Variants in MED15 observed in about 807,000 individuals in gnomAD.
MED15 encodes the protein mediator of RNA polymerase II transcription subunit 15.
Under a neutral mutation model 118.7 loss-of-function variants are expected in MED15, and 41 were observed. That is an observed-to-expected ratio of 0.35 (90% CI 0.27 to 0.45). The LOEUF (loss-of-function observed/expected upper bound fraction) is 0.45, where lower values mean the gene tolerates loss of function less well. Among genes scored for constraint, MED15 ranks in the 20% least tolerant of loss-of-function variants. MED15 has a pLI of 1.00. For missense variants in MED15, 740 were observed against 1,025.5 expected (o/e 0.72, Z 3.80); for synonymous variants, 436 against 413.9 (o/e 1.05, Z -0.65).
chr22:20,585,531 G>A, intron 16 of MED15, 197 bp from the exon 17 acceptor site: 1 of 680,154 alleles, frequency 1.5e-6, no homozygotes, highest in East Asian at 2.7e-5. Context: ...TGGTAGGCAG[G>A]ACCTCTGGGC....
intron 2 of MED15, among the ~76,000 whole-genome samples, chr22:20,544,348 A>C (rs2146482138): frequency 6.6e-6 from 1 of 152,268 alleles, no homozygotes; most frequent in South Asian, 2.1e-4. Context: ...ATAACACGTT[A>C]CTACAAGCTT....
At chr22:20,508,649 G>A (rs186378957) in intron 1 of MED15, among the ~76,000 whole-genome samples, 1 of 152,296 alleles carries the variant, frequency 6.6e-6, no homozygotes. Context: ...CTTCTTAAGG[G>A]TGGGGGAGAT....
chr22:20,527,726 A>C (rs2054700831), intron 1 of MED15, among the ~76,000 whole-genome samples: 1 of 152,050 alleles, frequency 6.6e-6, no homozygotes, highest in Non-Finnish European at 1.5e-5. Context: ...TGGGAGGCCG[A>C]GGGCAGGCGG....
chr22:20,513,732 C>T (rs374501066), intron 1 of MED15, among the ~76,000 whole-genome samples: 73 of 152,286 alleles, frequency 4.8e-4, no homozygotes, highest in African/African-American at 1.7e-3. Flanking sequence ...CTCCTGTGCC[C>T]TTGCAGGAGT....
intron 3 of MED15, 30 bp from the exon 4 acceptor site, chr22:20,553,115 T>G: frequency 6.3e-7 from 1 of 1,597,536 alleles, no homozygotes; most frequent in South Asian, 1.1e-5. Flanking sequence ...CTATGTTTAC[T>G]TTCGTTTTTT....
rs1273782559 is a variant in MED15, at chr22:20,566,457, C to T, written c.691-10C>T. ...GAGTGATAACCGAGTGCTGCTTGTTCTGTCTCTAGATACAGCAGCAGCAAC... is the reference window on the plus strand; with the variant it reads ...GAGTGATAACCGAGTGCTGCTTGTTTTGTCTCTAGATACAGCAGCAGCAAC... On this transcript the variant is annotated splice_polypyrimidine_tract_variant and intron_variant, in intron 6 of 17. Transcript: ENST00000263205. The T allele has an allele frequency of 6.2e-7, 1 of 1,610,882 alleles. No homozygotes were observed. Among genetic ancestry groups the T allele is most frequent in the Non-Finnish European group, 8.5e-7 (1 of 1,179,556 alleles).
chr22:20,569,927 T>A (rs1323975868), intron 8 of MED15, among the ~76,000 whole-genome samples: 1 of 152,156 alleles, frequency 6.6e-6, no homozygotes, highest in African/African-American at 2.4e-5. Context: ...GTGTTCAGAG[T>A]CAGCTTAGTG....
chr22:20,552,580 T>C (rs760433058), intron 3 of MED15: 4 of 449,296 alleles, frequency 8.9e-6, no homozygotes, highest in Non-Finnish European at 1.8e-5. Context: ...GTGGGGCTCA[T>C]GAGGTCATGG....
chr22:20,586,599 C>T lies in MED15; in HGVS notation c.2262C>T (p.Arg754=), dbSNP rs2057142891. The T allele has an allele frequency of 1.2e-6, 2 of 1,613,040 alleles. No homozygotes were observed. The highest frequency in any genetic ancestry group is 1.7e-6 in the Non-Finnish European group (2 of 1,179,968). The change falls in exon 18 of 18, where the codon CGC becomes CGT. Residue 754 remains arginine, a synonymous_variant. Transcript: ENST00000263205. ...DANPFLQSVH[R]CMTSRLLQLP... is the part of the protein sequence containing the mutation. ...ACCCCTTCCTCCAGTCGGTGCACCG[C>T]TGCATGACCTCCAGGCTGCTGCAGC...
rs59407346 is a variant in MED15 at position 20,560,454 on chromosome 22, G to A, written c.452-3996G>A. 3.0e-3 allele frequency among the ~76,000 whole-genome samples: 455 copies of A among 152,196 alleles called. 2 individuals carry two copies. Among genetic ancestry groups the A allele is most frequent in the African/African-American group, 3.9e-3 (160 of 41,536 alleles). On this transcript the variant is annotated intron_variant, in intron 5 of 17. Transcript: ENST00000263205. ...TAATTTTTGTATCTTTAGTAGAGAC[G>A]GGGTTTCACCATGTTGGCCAGGATG... is the stretch of plus-strand genomic sequence containing the variant.
Position 20,584,618 on chromosome 22 carries a change from G to A in MED15, c.1803+193G>A, listed in dbSNP as rs9608160. 7.9e-3 allele frequency: 6,368 copies of A among 806,378 alleles called. 40 individuals carry two copies. The highest frequency in any genetic ancestry group is 0.022 in the Middle Eastern group (64 of 2,904). The allele number at this position is 806,378 out of a possible 1,614,324, so 50.0% of individuals were successfully genotyped here. On this transcript the variant is annotated intron_variant, in intron 14 of 17. Coordinates refer to ENST00000263205, the MANE Select transcript of MED15 (RefSeq NM_001003891.3). ...ATGGGAGAAGTCACCCTCTGTCTAC[G>A]GCCCCCGTGGGTGCCTCCTTCACCC... is the stretch of plus-strand genomic sequence containing the variant.
intron 9 of MED15, among the ~76,000 whole-genome samples, chr22:20,581,661 C>T (rs1328264001): frequency 1.3e-5 from 2 of 152,158 alleles, no homozygotes; most frequent in African/African-American, 2.4e-5. Flanking sequence ...ACGCCCAGGG[C>T]TGGCAGGCAG....
intron 8 of MED15, among the ~76,000 whole-genome samples, chr22:20,572,067 G>A (rs938237938): frequency 1.3e-5 from 2 of 152,170 alleles, no homozygotes; most frequent in Admixed American, 6.5e-5. Context: ...TTACCATCTT[G>A]TTCTTGGACC....
intron 4 of MED15, among the ~76,000 whole-genome samples, chr22:20,553,842 A>G (rs1039611268): frequency 6.6e-6 from 1 of 152,210 alleles, no homozygotes; most frequent in African/African-American, 2.4e-5. Flanking sequence ...CTGCACTCCA[A>G]CCTGGATGAC....
chr22:20,559,166 GA>G (rs2056133216), intron 5 of MED15, among the ~76,000 whole-genome samples: 1 of 151,884 alleles, frequency 6.6e-6, no homozygotes, highest in Non-Finnish European at 1.5e-5. Context: ...TGAAAAAATA[GA>G]AAACAAAAAG....
chr22:20,510,254 CG>C (rs1318075551), intron 1 of MED15, among the ~76,000 whole-genome samples: 1 of 152,036 alleles, frequency 6.6e-6, no homozygotes, highest in Non-Finnish European at 1.5e-5. Flanking sequence ...GGTGTGATGG[CG>C]CACACCTGTA....
chr22:20,555,951 G>C (rs1225147905), intron 5 of MED15, among the ~76,000 whole-genome samples: 2 of 152,100 alleles, frequency 1.3e-5, no homozygotes, highest in Admixed American at 1.3e-4. Context: ...TTGAACTCCT[G>C]GGCTCAAGCG....
At chr22:20,572,175 T>G (rs1271177530) in intron 8 of MED15, among the ~76,000 whole-genome samples, 2 of 152,238 alleles carry the variant, frequency 1.3e-5, no homozygotes, top group African/African-American at 4.8e-5. Context: ...TGGTTCACTT[T>G]GAGGGCCTTC....
intron 1 of MED15, among the ~76,000 whole-genome samples, chr22:20,527,943 C>G (rs2054713591): frequency 7.1e-6 from 1 of 140,418 alleles, no homozygotes; most frequent in African/African-American, 2.8e-5. Context: ...GGCGACAGAG[C>G]TAGACTCCGT....
Sources: gnomAD v4.1 joint callset for allele counts (sites outside exome capture counted in the v4.1 genomes callset) on GRCh38, gnomAD v4.1.1 for gene constraint, MANE v1.5 for transcripts, NCBI Gene and HGNC (gene_info 2026-07-23, HGNC 2026-07-21) for gene names.